Variants in RAB27B observed in about 807,000 individuals in gnomAD.
RAB27B encodes the protein RAB27B, member RAS oncogene family.
In RAB27B, 15 loss-of-function variants were observed where a neutral mutation model predicts 24.6. That is an observed-to-expected ratio of 0.61 (90% CI 0.41 to 0.94). The LOEUF (loss-of-function observed/expected upper bound fraction) is 0.94, where lower values mean the gene tolerates loss of function less well. RAB27B is among the 40% of genes least tolerant of loss of function. RAB27B has a pLI of 0.00. For synonymous variants in RAB27B, 105 were observed against 92.5 expected (o/e 1.14, Z -0.78); for missense variants, 261 against 266.8 (o/e 0.98, Z 0.15).
At chr18:54,863,396 ATACT>A (rs1445268059) in intron 1 of RAB27B, among the ~76,000 whole-genome samples, 9 of 152,348 alleles carry the variant, frequency 5.9e-5, no homozygotes, top group African/African-American at 1.7e-4. Flanking sequence ...AATATGCATG[ATACT>A]TACTAGTAAG....
chr18:54,753,135 T>G (rs1907889951), intron 2 of RAB27B, among the ~76,000 whole-genome samples: 1 of 152,116 alleles, frequency 6.6e-6, no homozygotes, highest in Non-Finnish European at 1.5e-5. Flanking sequence ...AATTAGAAAT[T>G]TGAATGTAGG....
intron 2 of RAB27B, among the ~76,000 whole-genome samples, chr18:54,747,091 C>G (rs933580104): frequency 2.0e-5 from 3 of 152,112 alleles, no homozygotes; most frequent in African/African-American, 7.2e-5. Context: ...CCAGGCAAGA[C>G]CAAGACAGGA....
chr18:54,784,516 A>G (rs527595125), intron 2 of RAB27B, among the ~76,000 whole-genome samples: 2 of 152,270 alleles, frequency 1.3e-5, no homozygotes, highest in South Asian at 4.2e-4. Flanking sequence ...GGAGTACTCA[A>G]GTGCATACCC....
At chr18:54,793,803 C>A (rs996993831) in intron 2 of RAB27B, among the ~76,000 whole-genome samples, 1 of 152,134 alleles carries the variant, frequency 6.6e-6, no homozygotes, top group Non-Finnish European at 1.5e-5. Context: ...CCGAACTATT[C>A]GGGAAGCAGA....
intron 1 of RAB27B, among the ~76,000 whole-genome samples, chr18:54,842,204 C>T (rs953264969): frequency 2.6e-5 from 4 of 152,142 alleles, no homozygotes; most frequent in African/African-American, 4.8e-5. Flanking sequence ...ATTTAGAAAA[C>T]GAATGTGGAA....
chr18:54,796,464 T>C (rs961071521), intron 2 of RAB27B, among the ~76,000 whole-genome samples: 4 of 152,254 alleles, frequency 2.6e-5, no homozygotes, highest in Middle Eastern at 3.4e-3. Flanking sequence ...CAAGCTTTTA[T>C]TGAGTGATGG....
rs1369700872 is a variant in RAB27B, at chr18:54,727,385, GAC to G, written c.-20+9248_-20+9249del. Among the ~76,000 whole-genome samples, 3 of 152,254 alleles carry G rather than the reference GAC, an allele frequency of 2.0e-5. No individual in the cohort carries two copies. The South Asian group carries it at 6.2e-4, about 32-fold the overall frequency. On this transcript the variant is annotated intron_variant, in intron 2 of 4. Coordinates refer to the RAB27B transcript ENST00000586570. ...AATGAAAAGCAAAATGTAAGTCTAAGACACAGAAAATTTTGGAAAGCTAACTT... is the reference window on the plus strand; with the variant it reads ...AATGAAAAGCAAAATGTAAGTCTAAGACAGAAAATTTTGGAAAGCTAACTT...
At chr18:54,720,177 A>G (rs926847949) in intron 2 of RAB27B, among the ~76,000 whole-genome samples, 2 of 152,116 alleles carry the variant, frequency 1.3e-5, no homozygotes, top group African/African-American at 4.8e-5. Context: ...GACTTAAGCT[A>G]AGAAATAAAA....
intron 1 of RAB27B, among the ~76,000 whole-genome samples, chr18:54,870,043 A>G (rs1912401264): frequency 6.6e-6 from 1 of 152,168 alleles, no homozygotes; most frequent in Non-Finnish European, 1.5e-5. Flanking sequence ...ACATTTAAAA[A>G]TCAGATAATC....
intron 2 of RAB27B, among the ~76,000 whole-genome samples, chr18:54,818,236 G>A (rs1339543460): frequency 6.6e-6 from 1 of 152,094 alleles, no homozygotes; most frequent in African/African-American, 2.4e-5. Flanking sequence ...AAAGAGTTAG[G>A]GTGGGTCTTT....
At chr18:54,832,799 T>C (rs1254787322) in intron 1 of RAB27B, among the ~76,000 whole-genome samples, 2 of 151,944 alleles carry the variant, frequency 1.3e-5, no homozygotes, top group Non-Finnish European at 2.9e-5. Context: ...AACAGTGAGA[T>C]GAGGACAGAG....
intron 2 of RAB27B, among the ~76,000 whole-genome samples, chr18:54,730,964 A>G (rs1909712695): frequency 6.6e-6 from 1 of 152,194 alleles, no homozygotes; most frequent in South Asian, 2.1e-4. Context: ...GGGATAAAAC[A>G]CATTGTCATT....
intron 1 of RAB27B, among the ~76,000 whole-genome samples, chr18:54,831,762 G>A (rs945440063): frequency 6.6e-6 from 1 of 151,364 alleles, no homozygotes. Flanking sequence ...AAAGCCTCAG[G>A]GGAGGTGATT....
At chr18:54,764,211 G>A (rs1908287864) in intron 2 of RAB27B, among the ~76,000 whole-genome samples, 1 of 152,114 alleles carries the variant, frequency 6.6e-6, no homozygotes, top group Admixed American at 6.6e-5. Context: ...ACAGAGCCAA[G>A]CACAGACCAG....
intron 2 of RAB27B, among the ~76,000 whole-genome samples, chr18:54,771,214 TG>T (rs1908537579): frequency 6.6e-6 from 1 of 152,200 alleles, no homozygotes; most frequent in Admixed American, 6.5e-5. Flanking sequence ...ATAGATAAAA[TG>T]AACACTAATT....
At chr18:54,728,915 A>AAC (rs1909637686) in intron 2 of RAB27B, among the ~76,000 whole-genome samples, 1 of 145,392 alleles carries the variant, frequency 6.9e-6, no homozygotes, top group Non-Finnish European at 1.5e-5. Context: ...AAAAAAAAAA[A>AAC]AAAAAAAACC....
In RAB27B at chr18:54,725,889, C is replaced by G. The variant is rs779075989; in HGVS notation, c.-20+7748C>G. Among the ~76,000 whole-genome samples, 45 of 151,504 alleles carry G rather than the reference C, an allele frequency of 3.0e-4. 1 individual carries two copies. Among genetic ancestry groups the G allele is most frequent in the South Asian group, 6.3e-4 (3 of 4,730 alleles). ...TATGCAATGTGTTCATAAACACTAG[C>G]TTATAGAAAATGTAAAGAACTCTTT... On this transcript the variant is annotated intron_variant, in intron 2 of 4. Transcript: ENST00000586570.
chr18:54,877,549 T>A lies in RAB27B; in HGVS notation c.-19-18T>A. On this transcript the variant is annotated intron_variant, in intron 1 of 5. Transcript: ENST00000262094. The stretch of plus-strand genomic sequence containing the variant: ...TCAACTTTAATCAAAACATACTTGT[T>A]TTCCCTCTCCTATACAGACCGACCA... 7.4e-7 allele frequency: 1 copy of A among 1,355,736 alleles called. No individual in the cohort carries two copies. Among genetic ancestry groups the A allele is most frequent in the Admixed American group, 3.0e-5 (1 of 33,548 alleles). The allele number at this position is 1,355,736 out of a possible 1,614,324, so 84.0% of individuals were successfully genotyped here. A position where few individuals can be genotyped will look rare whatever the true frequency, so the allele number is the denominator to read the frequency against.
intron 2 of RAB27B, among the ~76,000 whole-genome samples, chr18:54,762,285 G>C (rs1908215269): frequency 6.6e-6 from 1 of 152,152 alleles, no homozygotes; most frequent in Non-Finnish European, 1.5e-5. Context: ...CACCTCCTGA[G>C]TGCAAGCAAT....
Sources: allele counts gnomAD v4.1 joint callset (sites outside exome capture counted in the v4.1 genomes callset), GRCh38; gene constraint gnomAD v4.1.1; transcripts MANE v1.5; gene names NCBI Gene and HGNC (gene_info 2026-07-23, HGNC 2026-07-21).